The following SCN10A variants were observed in gnomAD, a reference collection of about 807,000 sequenced individuals.
SCN10A encodes sodium channel protein type 10 subunit alpha.
In SCN10A, 162 loss-of-function variants were observed where a neutral mutation model predicts 170.7. The ratio of observed to expected loss-of-function variants is 0.95; its 90% CI spans 0.84 to 1.08. SCN10A has a LOEUF of 1.08. Among genes scored for constraint, SCN10A ranks in the 50% least tolerant of loss-of-function variants. The pLI is 0.00. For missense variants in SCN10A, 2,527 were observed against 2,436.9 expected, an observed-to-expected ratio of 1.04 and a Z score of -0.78; for synonymous variants, 985 against 904.6, an observed-to-expected ratio of 1.09 and a Z score of -1.59.
chr3:38,731,263 G>A (rs1273540153), intron 15 of SCN10A, among the ~76,000 whole-genome samples: 2 of 152,136 alleles, frequency 1.3e-5, no homozygotes, highest in African/African-American at 4.8e-5. Flanking sequence ...CAAAGACACG[G>A]GCAAACTGAA....
chr3:38,742,947 A>T (rs1456126436), intron 13 of SCN10A, among the ~76,000 whole-genome samples: 1 of 152,034 alleles, frequency 6.6e-6, no homozygotes, highest in Non-Finnish European at 1.5e-5. Flanking sequence ...CTGTACTTGC[A>T]CCCAACCAGC....
chr3:38,716,637 T>A (rs1004530320), intron 21 of SCN10A, among the ~76,000 whole-genome samples: 3 of 152,136 alleles, frequency 2.0e-5, no homozygotes, highest in African/African-American at 7.2e-5. Context: ...TTTTTTAAAA[T>A]TTTAAAAGAT....
chr3:38,804,497 C>T (rs942045997), intron 1 of SCN10A, among the ~76,000 whole-genome samples: 5 of 152,022 alleles, frequency 3.3e-5, no homozygotes, highest in African/African-American at 1.2e-4. Context: ...GCTGTTGAAC[C>T]CCAAACACTG....
intron 1 of SCN10A, among the ~76,000 whole-genome samples, chr3:38,810,205 T>C (rs1217227718): frequency 6.6e-6 from 1 of 152,214 alleles, no homozygotes; most frequent in Admixed American, 6.5e-5. Context: ...CTTTTTTCTC[T>C]AAGTTTCTAA....
chr3:38,727,511 C>T (rs543771540), intron 16 of SCN10A, among the ~76,000 whole-genome samples: 1 of 152,304 alleles, frequency 6.6e-6, no homozygotes, highest in Non-Finnish European at 1.5e-5. Flanking sequence ...GAGGGGTAAA[C>T]TTCCTGTCTG....
chr3:38,810,681 A>G (rs2064435138), intron 1 of SCN10A, among the ~76,000 whole-genome samples: 1 of 152,220 alleles, frequency 6.6e-6, no homozygotes, highest in Admixed American at 6.5e-5. Flanking sequence ...AAGTTCTATA[A>G]GTTCTATGAG....
intron 4 of SCN10A, among the ~76,000 whole-genome samples, chr3:38,776,483 T>C (rs2126045938): frequency 6.6e-6 from 1 of 152,228 alleles, no homozygotes; most frequent in South Asian, 2.1e-4. Flanking sequence ...GACAATAAAA[T>C]ACATTAGTCA....
At position 38,802,867 on chromosome 3, in the gene SCN10A, A is replaced by T. The variant is rs1356506370; in HGVS notation, c.-32-8825T>A. ...TACCATCAGAGTGAACAGGCAACCT[A>T]CAGAATGGGAGAAAATTTTTGCAAT... On this transcript the variant is annotated intron_variant, in intron 1 of 27. Coordinates refer to ENST00000449082, the MANE Select transcript of SCN10A (RefSeq NM_006514.4). 4.6e-5 allele frequency among the ~76,000 whole-genome samples: 7 copies of T among 152,220 alleles called. No individual in the cohort carries two copies. The East Asian group carries it at 1.3e-3, about 29-fold the overall frequency.
chr3:38,761,479 A>G, intron 6 of SCN10A, 96 bp from the exon 7 acceptor site: 1 of 1,087,440 alleles, frequency 9.2e-7, no homozygotes, highest in Non-Finnish European at 1.3e-6. Flanking sequence ...CTCTACATAC[A>G]GGAGTGAAGT....
chr3:38,752,746 G>T (rs77499968), intron 11 of SCN10A, among the ~76,000 whole-genome samples: 2 of 152,332 alleles, frequency 1.3e-5, no homozygotes, highest in African/African-American at 4.8e-5. Flanking sequence ...AGATTACAGC[G>T]TGCTGATGCT....
At chr3:38,755,984 G>A (rs202025197) in intron 10 of SCN10A, 26 bp from the exon 11 acceptor site, 62 of 1,613,686 alleles carry the variant, frequency 3.8e-5, no homozygotes, top group Non-Finnish European at 5.1e-5. Flanking sequence ...AGCAGGTGTA[G>A]CCAATAGTAT....
intron 1 of SCN10A, among the ~76,000 whole-genome samples, chr3:38,794,659 C>T (rs1294836507): frequency 6.6e-6 from 1 of 152,184 alleles, no homozygotes; most frequent in Non-Finnish European, 1.5e-5. Flanking sequence ...CACTCCCTCA[C>T]CCTTATCCTA....
intron 21 of SCN10A, among the ~76,000 whole-genome samples, chr3:38,715,226 T>C (rs2063322780): frequency 6.6e-6 from 1 of 152,140 alleles, no homozygotes; most frequent in Non-Finnish European, 1.5e-5. Context: ...CTGGGAAGTC[T>C]GCCTCACATG....
chr3:38,717,630 C>T (rs2063345947), intron 21 of SCN10A, among the ~76,000 whole-genome samples: 1 of 152,204 alleles, frequency 6.6e-6, no homozygotes, highest in African/African-American at 2.4e-5. Flanking sequence ...GACCTGCCAG[C>T]ACAGGAGGCT....
chr3:38,707,259 A>G lies in SCN10A; in HGVS notation c.4386+20T>C, dbSNP rs766057731. ...TGGATTCACAGACAGGCTGTGCTAGAGGAAACCTCTGGGGCTCACCAGGGG... is the reference window on the plus strand; with the variant it reads ...TGGATTCACAGACAGGCTGTGCTAGGGGAAACCTCTGGGGCTCACCAGGGG... On this transcript the variant is annotated intron_variant, in intron 26 of 27. Coordinates refer to ENST00000449082, the MANE Select transcript of SCN10A (RefSeq NM_006514.4). 6.8e-6 allele frequency: 11 copies of G among 1,612,540 alleles called. No homozygotes were observed. In the South Asian group the frequency reaches 1.1e-4, roughly 16 times the overall value.
chr3:38,769,044 G>T (rs1386874611), intron 5 of SCN10A, among the ~76,000 whole-genome samples: 2 of 151,902 alleles, frequency 1.3e-5, no homozygotes, highest in African/African-American at 2.4e-5. Context: ...CTAGTCTATT[G>T]TTGAAACTTT....
chr3:38,706,569 G>C (rs889512358), intron 26 of SCN10A, among the ~76,000 whole-genome samples: 1 of 152,140 alleles, frequency 6.6e-6, no homozygotes, highest in Non-Finnish European at 1.5e-5. Flanking sequence ...TCCCAAAAAA[G>C]TGCTATCTTA....
chr3:38,772,344 G>T (rs796770436), intron 4 of SCN10A, among the ~76,000 whole-genome samples: 54 of 148,582 alleles, frequency 3.6e-4, no homozygotes, highest in African/African-American at 1.3e-3. Context: ...AAAAAGAAAA[G>T]AAAAGAAAAG....
chr3:38,704,773 G>A (rs2063192279), intron 26 of SCN10A, among the ~76,000 whole-genome samples: 1 of 152,204 alleles, frequency 6.6e-6, no homozygotes, highest in East Asian at 1.9e-4. Context: ...TCCCAGGTAA[G>A]CTCTGTCATG....
Sources: gnomAD v4.1 joint callset for allele counts (sites outside exome capture counted in the v4.1 genomes callset) on GRCh38, gnomAD v4.1.1 for gene constraint, MANE v1.5 for transcripts, NCBI Gene and HGNC (gene_info 2026-07-23, HGNC 2026-07-21) for gene names.